SENP7: variants seen among roughly 807,000 people sequenced by gnomAD.
SENP7 encodes the protein SUMO specific peptidase 7, also known as sentrin-specific protease 7.
In SENP7, 64 loss-of-function variants were observed where a neutral mutation model predicts 141.2. The ratio of observed to expected loss-of-function variants is 0.45; its 90% CI spans 0.37 to 0.56. The LOEUF (loss-of-function observed/expected upper bound fraction) is 0.56. Ranked by LOEUF, SENP7 falls within the 20% of genes least tolerant of loss-of-function variation. SENP7 has a pLI of 0.00. For synonymous variants in SENP7, 382 were observed against 426.4 expected (o/e 0.90, Z 1.28); for missense variants, 1,025 against 1,212.2 (o/e 0.85, Z 2.29).
At chr3:101,463,378 T>TATATATATATATACAC (rs1553744686) in intron 3 of SENP7, among the ~76,000 whole-genome samples, 25 of 84,408 alleles carry the variant, frequency 3.0e-4, no homozygotes, top group Admixed American at 1.4e-3. Flanking sequence ...TATATATATA[T>TATATATATATATACAC]ATATATATAT....
intron 3 of SENP7, among the ~76,000 whole-genome samples, chr3:101,479,024 A>T (rs2064339500): frequency 6.6e-6 from 1 of 152,186 alleles, no homozygotes; most frequent in Non-Finnish European, 1.5e-5. Context: ...AAAATGCTCA[A>T]GAAACTAGCT....
chr3:101,327,749 C>T lies in SENP7; in HGVS notation c.2932G>A (p.Asp978Asn). ...TGTTTAGGAACTTTAGGGCATAGAT[C>T]CACCATGTTTGTTTTGCTGAATTGA... Reference protein sequence around the residue: ...HRQFSKTNMVDLCPKVPKQDN... With the variant: ...HRQFSKTNMVNLCPKVPKQDN... The change falls in exon 23 of 24, where the codon GAT becomes AAT. Residue 978 changes from aspartate (D) to asparagine (N), a missense_variant. Asp to Asn is a conservative substitution (Grantham distance 23). Transcript: ENST00000394095. 1 of 1,611,536 alleles carries T rather than the reference C, an allele frequency of 6.2e-7. No individual in the cohort carries two copies. The highest frequency in any genetic ancestry group is 8.5e-7 in the Non-Finnish European group (1 of 1,178,378).
At chr3:101,471,125 T>C (rs918085840) in intron 3 of SENP7, among the ~76,000 whole-genome samples, 7 of 152,308 alleles carry the variant, frequency 4.6e-5, no homozygotes, top group African/African-American at 1.7e-4. Context: ...TACCAATGAC[T>C]TTCTTCACAG....
At chr3:101,340,291 C>T in intron 15 of SENP7, 80 bp from the exon 16 acceptor site, 3 of 1,457,882 alleles carry the variant, frequency 2.1e-6, no homozygotes, top group Non-Finnish European at 2.7e-6. Flanking sequence ...GAAACAATAA[C>T]TGGGCAGTGG....
chr3:101,389,164 G>T (rs866011352), intron 6 of SENP7, among the ~76,000 whole-genome samples: 3 of 152,018 alleles, frequency 2.0e-5, no homozygotes, highest in Middle Eastern at 3.2e-3. Flanking sequence ...TAGAGGTGGG[G>T]TCTCCCTCAG....
intron 13 of SENP7, among the ~76,000 whole-genome samples, chr3:101,344,347 C>T (rs919865096): frequency 1.3e-5 from 2 of 152,214 alleles, no homozygotes; most frequent in Non-Finnish European, 2.9e-5. Context: ...TCTCCTCAGT[C>T]ATTTCAATGG....
rs116098274 is a variant in SENP7 at position 101,343,515 on chromosome 3, C to A, written c.2106+171G>T. On this transcript the variant is annotated intron_variant, in intron 14 of 23. Transcript: ENST00000394095. ...TTATTTGGTTATAATCCCATGCTGT[C>A]ATTATTGATTTTGTTTAACAAATTG... Among the ~76,000 whole-genome samples, 883 of 152,060 alleles carry A rather than the reference C, an allele frequency of 5.8e-3. 15 individuals carry two copies. The highest frequency in any genetic ancestry group is 0.02 in the African/African-American group (813 of 41,494).
chr3:101,475,628 A>G (rs1359909042), intron 3 of SENP7, among the ~76,000 whole-genome samples: 2 of 152,208 alleles, frequency 1.3e-5, no homozygotes, highest in African/African-American at 2.4e-5. Flanking sequence ...TGATCTGTGC[A>G]GCAAAACACC....
chr3:101,470,484 A>G (rs2063943260), intron 3 of SENP7, among the ~76,000 whole-genome samples: 1 of 152,246 alleles, frequency 6.6e-6, no homozygotes, highest in African/African-American at 2.4e-5. Context: ...TAAACGAGGT[A>G]TCAATGGAAC....
intron 4 of SENP7, among the ~76,000 whole-genome samples, chr3:101,449,060 C>T (rs1356673398): frequency 2.0e-5 from 3 of 152,010 alleles, no homozygotes; most frequent in Non-Finnish European, 2.9e-5. Context: ...AACCAAGGCA[C>T]GAGAAGTACG....
At chr3:101,471,469 A>G (rs185507998) in intron 3 of SENP7, among the ~76,000 whole-genome samples, 36 of 152,318 alleles carry the variant, frequency 2.4e-4, no homozygotes, top group Non-Finnish European at 5.0e-4. Flanking sequence ...CTGAAACTGG[A>G]TCCCTTCCTG....
At chr3:101,391,064 A>T (rs897565037) in intron 6 of SENP7, among the ~76,000 whole-genome samples, 1 of 152,128 alleles carries the variant, frequency 6.6e-6, no homozygotes, top group African/African-American at 2.4e-5. Flanking sequence ...GAAATACAGC[A>T]TACCATAACA....
chr3:101,434,687 C>A (rs1173243679), intron 4 of SENP7, among the ~76,000 whole-genome samples: 1 of 152,046 alleles, frequency 6.6e-6, no homozygotes, highest in Non-Finnish European at 1.5e-5. Context: ...GGACAAATTT[C>A]TGAATACATA....
At chr3:101,420,225 G>A (rs186030115) in intron 4 of SENP7, among the ~76,000 whole-genome samples, 25 of 152,220 alleles carry the variant, frequency 1.6e-4, no homozygotes, top group Admixed American at 5.2e-4. Context: ...AAAATTAGCC[G>A]GGCATGGTGG....
chr3:101,417,558 G>A (rs9859077), intron 5 of SENP7, 35 bp downstream of exon 5: 18 of 1,491,526 alleles, frequency 1.2e-5, no homozygotes, highest in Non-Finnish European at 1.7e-5. Context: ...TTTCAAATGT[G>A]GTAAGTTGAA....
At chr3:101,423,293 A>G (rs1412963917) in intron 4 of SENP7, among the ~76,000 whole-genome samples, 3 of 152,232 alleles carry the variant, frequency 2.0e-5, no homozygotes, top group African/African-American at 4.8e-5. Context: ...AATAAAGCAC[A>G]TGAAAAAATG....
At chr3:101,404,301 C>A (rs2061236740) in intron 5 of SENP7, among the ~76,000 whole-genome samples, 1 of 151,950 alleles carries the variant, frequency 6.6e-6, no homozygotes, top group African/African-American at 2.4e-5. Flanking sequence ...ACAAACCTGA[C>A]AAAAACAAGC....
At chr3:101,402,684 G>C (rs4479566) in intron 5 of SENP7, among the ~76,000 whole-genome samples, 59,571 of 150,442 alleles carry the variant, frequency 0.4, 12,317 homozygotes, top group Admixed American at 0.53. Context: ...ACAATGTCTG[G>C]ATGACTGGAT....
intron 4 of SENP7, among the ~76,000 whole-genome samples, chr3:101,434,041 C>G (rs560093628): frequency 6.6e-6 from 1 of 152,068 alleles, no homozygotes; most frequent in Non-Finnish European, 1.5e-5. Context: ...GGTCAATAAA[C>G]GAGTCTTAAA....
Sources: gnomAD v4.1 joint callset for allele counts (sites outside exome capture counted in the v4.1 genomes callset) on GRCh38, gnomAD v4.1.1 for gene constraint, MANE v1.5 for transcripts, NCBI Gene and HGNC (gene_info 2026-07-23, HGNC 2026-07-21) for gene names.